GRAMD1B: variants seen among roughly 807,000 people sequenced by gnomAD.
GRAMD1B encodes protein Aster-B.
A neutral mutation model predicts 99.7 loss-of-function variants in GRAMD1B; 37 were observed. The ratio of observed to expected loss-of-function variants is 0.37; its 90% CI spans 0.29 to 0.49. The LOEUF is 0.49. Ranked by LOEUF, GRAMD1B falls within the 20% of genes least tolerant of loss-of-function variation. The pLI is 0.98. For synonymous variants in GRAMD1B, 427 were observed against 387.6 expected (o/e 1.10, Z -1.19); for missense variants, 888 against 1,009.2 (o/e 0.88, Z 1.63).
intron 3 of GRAMD1B, 66 bp from the exon 4 acceptor site, chr11:123,584,246 C>A: frequency 1.2e-6 from 1 of 841,532 alleles, no homozygotes; most frequent in Non-Finnish European, 2.0e-6. Flanking sequence ...TGTGCCCTTC[C>A]CCCTGGCCCT....
At chr11:123,420,352 T>C (rs962027863) in intron 1 of GRAMD1B, among the ~76,000 whole-genome samples, 1 of 152,150 alleles carries the variant, frequency 6.6e-6, no homozygotes, top group African/African-American at 2.4e-5. Flanking sequence ...AGGTAAGAGG[T>C]ATTAAAGACA....
chr11:123,359,730 G>T (rs181660485), intron 1 of GRAMD1B, among the ~76,000 whole-genome samples: 2 of 152,146 alleles, frequency 1.3e-5, no homozygotes, highest in African/African-American at 4.8e-5. Context: ...CAAATCTCTA[G>T]ATTTTTTTTC....
At chr11:123,364,821 C>A (rs1946263323) in intron 1 of GRAMD1B, among the ~76,000 whole-genome samples, 1 of 148,610 alleles carries the variant, frequency 6.7e-6, no homozygotes, top group African/African-American at 2.6e-5. Context: ...GGGCCCTGAA[C>A]CTCTTCAGGC....
At chr11:123,603,375 G>A in intron 8 of GRAMD1B, 51 bp from the exon 9 acceptor site, 1 of 1,124,920 alleles carries the variant, frequency 8.9e-7, no homozygotes, top group Non-Finnish European at 1.4e-6. Context: ...TCTGTGCAGA[G>A]TCGGGGGACC....
chr11:123,554,342 G>A (rs773228637), intron 2 of GRAMD1B, among the ~76,000 whole-genome samples: 1 of 152,004 alleles, frequency 6.6e-6, no homozygotes, highest in Non-Finnish European at 1.5e-5. Context: ...GTATCAGTGA[G>A]GGTCCCATAA....
chr11:123,428,743 T>A (rs1948741503), upstream of GRAMD1B, among the ~76,000 whole-genome samples: 1 of 152,216 alleles, frequency 6.6e-6, no homozygotes, highest in African/African-American at 2.4e-5. Context: ...TTCCTCAGCT[T>A]CGGGACACTT....
At chr11:123,553,780 C>T (rs998279317) in intron 2 of GRAMD1B, among the ~76,000 whole-genome samples, 24 of 152,292 alleles carry the variant, frequency 1.6e-4, no homozygotes, top group East Asian at 1.9e-4. Flanking sequence ...ATTAATGGCT[C>T]ATAATGCACA....
At chr11:123,508,166 A>C (rs772992351) in intron 2 of GRAMD1B, among the ~76,000 whole-genome samples, 1 of 152,204 alleles carries the variant, frequency 6.6e-6, no homozygotes, top group African/African-American at 2.4e-5. Flanking sequence ...AAGTTTATTT[A>C]GCTCATGGTT....
intron 1 of GRAMD1B, among the ~76,000 whole-genome samples, chr11:123,363,044 G>A (rs866350355): frequency 1.1e-4 from 17 of 152,222 alleles, no homozygotes; most frequent in Admixed American, 9.2e-4. Context: ...GCGAGCAAAC[G>A]CAAGAAAAGG....
intron 6 of GRAMD1B, 56 bp from the exon 7 acceptor site, chr11:123,595,886 G>T: frequency 1.0e-6 from 1 of 955,514 alleles, no homozygotes; most frequent in South Asian, 1.4e-5. Flanking sequence ...CTGTTTACCT[G>T]ACTTACTAAT....
chr11:123,412,267 A>G (rs992494108), intron 1 of GRAMD1B, among the ~76,000 whole-genome samples: 4 of 152,254 alleles, frequency 2.6e-5, no homozygotes, highest in Admixed American at 1.3e-4. Context: ...TTTCACTTAA[A>G]TAAACATTTT....
chr11:123,589,485 C>T (rs1950405365), intron 4 of GRAMD1B, among the ~76,000 whole-genome samples: 1 of 151,688 alleles, frequency 6.6e-6, no homozygotes, highest in Non-Finnish European at 1.5e-5. Flanking sequence ...TCTCTGCCGC[C>T]CAGGCTGGAG....
chr11:123,373,698 G>A (rs1289296392), intron 1 of GRAMD1B, among the ~76,000 whole-genome samples: 11 of 152,154 alleles, frequency 7.2e-5, no homozygotes, highest in Admixed American at 7.2e-4. Context: ...AATTGAATAG[G>A]AACCAGTTAA....
chr11:123,618,471 T>G, intron 17 of GRAMD1B: 1 of 946,876 alleles, frequency 1.1e-6, no homozygotes, highest in Non-Finnish European at 1.7e-6. Context: ...TTCTAGTGCC[T>G]TCATCCCATG....
chr11:123,366,088 C>A (rs1178089556), intron 1 of GRAMD1B, among the ~76,000 whole-genome samples: 2 of 152,190 alleles, frequency 1.3e-5, no homozygotes, highest in Non-Finnish European at 2.9e-5. Context: ...TGGGGCCATT[C>A]CCTCTATTTG....
At chr11:123,473,714 G>A (rs928731226) in intron 1 of GRAMD1B, among the ~76,000 whole-genome samples, 2 of 152,196 alleles carry the variant, frequency 1.3e-5, no homozygotes, top group Non-Finnish European at 2.9e-5. Flanking sequence ...AAGCAGAAGT[G>A]AACCTTCTAA....
chr11:123,454,958 CTT>C (rs1004449454), intron 1 of GRAMD1B: 1 of 152,084 alleles, frequency 6.6e-6, no homozygotes, highest in Non-Finnish European at 1.5e-5. Flanking sequence ...GCATGTAATT[CTT>C]ATGTTTAAAG....
intron 1 of GRAMD1B, among the ~76,000 whole-genome samples, chr11:123,474,641 A>C (rs1951174440): frequency 6.6e-6 from 1 of 152,200 alleles, no homozygotes; most frequent in Non-Finnish European, 1.5e-5. Context: ...AAAACAAATA[A>C]AGGCAGGGGG....
chr11:123,452,383 T>A (rs1949926226), intron 1 of GRAMD1B, among the ~76,000 whole-genome samples: 1 of 152,200 alleles, frequency 6.6e-6, no homozygotes. Context: ...TGGTGGCTTA[T>A]GCCTGTAGTC....
Sources: allele counts gnomAD v4.1 joint callset (sites outside exome capture counted in the v4.1 genomes callset), GRCh38; gene constraint gnomAD v4.1.1; transcripts MANE v1.5; gene names NCBI Gene and HGNC (gene_info 2026-07-23, HGNC 2026-07-21).